SPTLC3: variants seen among roughly 807,000 people sequenced by gnomAD.
SPTLC3 encodes serine palmitoyltransferase 3.
SPTLC3 carries 36 observed loss-of-function variants against 59.3 expected under a neutral mutation model. The ratio of observed to expected loss-of-function variants is 0.61; its 90% CI spans 0.47 to 0.80. The LOEUF (loss-of-function observed/expected upper bound fraction) is 0.80. Ranked by LOEUF, SPTLC3 falls within the 30% of genes least tolerant of loss-of-function variation. The pLI is 0.00. For synonymous variants in SPTLC3, 257 were observed against 240.8 expected, an observed-to-expected ratio of 1.07 and a Z score of -0.62; for missense variants, 625 against 685.1, an observed-to-expected ratio of 0.91 and a Z score of 0.98.
At chr20:13,081,393 T>C (rs1381362974) in intron 4 of SPTLC3, among the ~76,000 whole-genome samples, 1 of 152,224 alleles carries the variant, frequency 6.6e-6, no homozygotes, top group Non-Finnish European at 1.5e-5. Flanking sequence ...TTATCTGCTA[T>C]CATTTAATTC....
intron 2 of SPTLC3, among the ~76,000 whole-genome samples, chr20:13,056,407 G>C (rs542440586): frequency 6.6e-6 from 1 of 151,750 alleles, no homozygotes; most frequent in South Asian, 2.1e-4. Flanking sequence ...TCTTTCTGAT[G>C]GGACTTGATC....
chr20:13,098,794 T>C (rs1989507596), intron 6 of SPTLC3, among the ~76,000 whole-genome samples: 1 of 152,192 alleles, frequency 6.6e-6, no homozygotes, highest in African/African-American at 2.4e-5. Flanking sequence ...GCTTTACAAA[T>C]GAGAAGATTC....
At chr20:13,069,881 A>G (rs1024858731) in intron 2 of SPTLC3, among the ~76,000 whole-genome samples, 3 of 152,218 alleles carry the variant, frequency 2.0e-5, no homozygotes, top group Non-Finnish European at 4.4e-5. Context: ...TTCTCTTCAG[A>G]GTCCAGAAAT....
intron 8 of SPTLC3, among the ~76,000 whole-genome samples, chr20:13,118,177 C>T (rs959237398): frequency 1.3e-5 from 2 of 151,994 alleles, no homozygotes; most frequent in Admixed American, 6.6e-5. Flanking sequence ...ATAATAGCAA[C>T]AGTAGGCAAT....
intron 9 of SPTLC3, among the ~76,000 whole-genome samples, chr20:13,150,727 C>G (rs187361235): frequency 6.6e-6 from 1 of 152,238 alleles, no homozygotes; most frequent in East Asian, 1.9e-4. Context: ...ACAATCCATT[C>G]ATCTTTCCAG....
chr20:13,154,210 G>A (rs553016504), intron 10 of SPTLC3, 72 bp downstream of exon 10: 529 of 1,574,684 alleles, frequency 3.4e-4, no homozygotes, highest in Non-Finnish European at 3.7e-4. Flanking sequence ...TGGCACAGGC[G>A]TTAGATTATG....
chr20:13,084,093 C>A (rs142725593), intron 4 of SPTLC3, among the ~76,000 whole-genome samples: 1 of 152,172 alleles, frequency 6.6e-6, no homozygotes, highest in East Asian at 1.9e-4. Flanking sequence ...ACCTTGATTC[C>A]TCTCCTTTGA....
intron 1 of SPTLC3, among the ~76,000 whole-genome samples, chr20:13,029,903 C>G (rs1986346619): frequency 6.6e-6 from 1 of 152,174 alleles, no homozygotes; most frequent in Non-Finnish European, 1.5e-5. Context: ...TTCTCTCTTT[C>G]TAGGTCAGAG....
At chr20:13,102,706 T>C (rs1989645781) in intron 6 of SPTLC3, among the ~76,000 whole-genome samples, 1 of 152,198 alleles carries the variant, frequency 6.6e-6, no homozygotes, top group African/African-American at 2.4e-5. Context: ...CCCTGAATCA[T>C]GTCTCACCTT....
intron 11 of SPTLC3, among the ~76,000 whole-genome samples, chr20:13,163,292 C>T (rs1050245864): frequency 1.1e-4 from 16 of 147,056 alleles, no homozygotes; most frequent in South Asian, 4.3e-4. Flanking sequence ...CACTTGAACC[C>T]GGGAGGCGGA....
intron 10 of SPTLC3, among the ~76,000 whole-genome samples, chr20:13,157,455 C>CT (rs1042210897): frequency 1.3e-5 from 2 of 151,970 alleles, no homozygotes; most frequent in African/African-American, 4.8e-5. Context: ...AAATTACTCT[C>CT]TAAGACTCAC....
chr20:13,097,386 C>G (rs1473946648), intron 6 of SPTLC3, among the ~76,000 whole-genome samples: 1 of 152,100 alleles, frequency 6.6e-6, no homozygotes, highest in Non-Finnish European at 1.5e-5. Context: ...CCCAGCTAAA[C>G]TGGTTTTTCT....
At chr20:13,032,268 G>A (rs1986515555) in intron 1 of SPTLC3, among the ~76,000 whole-genome samples, 1 of 152,176 alleles carries the variant, frequency 6.6e-6, no homozygotes, top group African/African-American at 2.4e-5. Flanking sequence ...TAGCCACTTA[G>A]CTCTAAAGCT....
intron 11 of SPTLC3, 184 bp from the exon 12 acceptor site, chr20:13,164,570 T>C (rs991707133): frequency 7.8e-5 from 47 of 604,188 alleles, no homozygotes; most frequent in Middle Eastern, 3.7e-4. Flanking sequence ...AATTAGCATC[T>C]AACATTCCTC....
intron 1 of SPTLC3, among the ~76,000 whole-genome samples, chr20:13,043,973 A>G (rs1020043887): frequency 6.6e-6 from 1 of 151,514 alleles, no homozygotes; most frequent in Non-Finnish European, 1.5e-5. Flanking sequence ...CTATATCTCA[A>G]CTTAGTGTCA....
chr20:13,027,149 C>A (rs959908039), intron 1 of SPTLC3, among the ~76,000 whole-genome samples: 6 of 152,286 alleles, frequency 3.9e-5, no homozygotes, highest in East Asian at 3.9e-4. Context: ...CCTGGGATAA[C>A]CTTCCAAATA....
chr20:13,101,936 C>T (rs1297667072), intron 6 of SPTLC3, among the ~76,000 whole-genome samples: 2 of 152,032 alleles, frequency 1.3e-5, no homozygotes, highest in African/African-American at 2.4e-5. Flanking sequence ...AAGCTAGCCT[C>T]GGAGAAAAGC....
chr20:13,136,490 C>T (rs1460075979), intron 9 of SPTLC3, among the ~76,000 whole-genome samples: 10 of 151,664 alleles, frequency 6.6e-5, no homozygotes, highest in Non-Finnish European at 1.2e-4. Flanking sequence ...GTCCCAGCTA[C>T]TCGGGAGGAA....
intron 2 of SPTLC3, among the ~76,000 whole-genome samples, chr20:13,063,637 T>TTTTATTTATTTATTTATTTATTTA (rs58141093): frequency 1.4e-5 from 2 of 145,638 alleles, no homozygotes; most frequent in African/African-American, 5.1e-5. Flanking sequence ...TTTTTTTAAA[T>TTTTATTTATTTATTTATTTATTTA]TTTATTTATT....
Sources: allele counts gnomAD v4.1 joint callset (sites outside exome capture counted in the v4.1 genomes callset), GRCh38; gene constraint gnomAD v4.1.1; transcripts MANE v1.5; gene names NCBI Gene and HGNC (gene_info 2026-07-23, HGNC 2026-07-21).